The following COX6B2 variants were observed in gnomAD, a reference collection of about 807,000 sequenced individuals.
The protein encoded by COX6B2 is COX VIb-2.
Under a neutral mutation model 13.7 loss-of-function variants are expected in COX6B2, and 12 were observed. The ratio of observed to expected loss-of-function variants is 0.87; its 90% confidence interval spans 0.56 to 1.41. COX6B2 has a LOEUF of 1.41. Among genes scored for constraint, COX6B2 ranks in the 40% most tolerant of loss-of-function variants. The probability of loss-of-function intolerance (pLI) is 0.00; values close to 1 mark genes in which losing one functional copy is unlikely to be tolerated. For synonymous variants in COX6B2, 56 were observed against 46.6 expected (o/e 1.20, Z -0.82); for missense variants, 130 against 118.3 (o/e 1.10, Z -0.46).
At position 55,353,615 on chromosome 19, in the gene COX6B2, G is replaced by A. The variant is rs546237576; in HGVS notation, c.*106C>T. On this transcript the variant is annotated 3_prime_UTR_variant, in exon 4 of 5. Transcript: ENST00000326529. ...CATCAGCAACAGCATACCATTATTC[G>A]TGGCTTAGACACTGGGAGGTAGGGG... 8.2e-5 allele frequency: 84 copies of A among 1,026,002 alleles called. 1 individual carries two copies. The highest frequency in any genetic ancestry group is 1.0e-4 in the Non-Finnish European group (71 of 691,626). The allele number at this position is 1,026,002 out of a possible 1,614,324, so 63.6% of individuals were successfully genotyped here.
chr19:55,351,719 T>C (rs1276544838), intron 4 of COX6B2: 1 of 152,126 alleles, frequency 6.6e-6, no homozygotes, highest in Non-Finnish European at 1.5e-5. Flanking sequence ...GCTGAGACTG[T>C]GAGGCTGGCA....
intron 2 of COX6B2, 101 bp downstream of exon 2, chr19:55,354,309 C>T (rs1467047548): frequency 3.1e-6 from 3 of 964,132 alleles, no homozygotes; most frequent in Non-Finnish European, 4.7e-6. Flanking sequence ...CGCCCGGCCT[C>T]CCACCCTAAC....
chr19:55,354,081 GGAGGCCTCCGTCCC>G, intron 2 of COX6B2, 115 bp from the exon 3 acceptor site: 1 of 944,110 alleles, frequency 1.1e-6, no homozygotes, highest in Non-Finnish European at 1.6e-6. Context: ...CCTCTCCCCT[GGAGGCCTCCGTCCC>G]GCCCCTCCCA....
In COX6B2 at chr19:55,354,163, A is replaced by G. The variant is rs150838083; in HGVS notation, c.113-197T>C. The G allele has an allele frequency of 4.0e-3, 2,454 of 616,532 alleles. 31 individuals carry two copies. In the African/African-American group the frequency reaches 0.04, roughly 10 times the overall value. 38.2% of individuals were successfully genotyped at this position (616,532 alleles called of 1,614,324 possible). A position where few individuals can be genotyped will look rare whatever the true frequency, so the allele number is the denominator to read the frequency against. On this transcript the variant is annotated intron_variant, in intron 2 of 4. Coordinates refer to ENST00000326529, the MANE Select transcript of COX6B2 (RefSeq NM_144613.5). ...CTCCTCCTACCCAGACCCTGCCCCT[A>G]CCTACCTCGCCCCGCACCTTCACGA... is the stretch of plus-strand genomic sequence containing the variant.
chr19:55,354,418 T>C lies in COX6B2; in HGVS notation c.104A>G (p.Asn35Ser). 1 of 1,612,780 alleles carries C rather than the reference T, an allele frequency of 6.2e-7. No individual in the cohort carries two copies. Among genetic ancestry groups the C allele is most frequent in the Non-Finnish European group, 8.5e-7 (1 of 1,179,460 alleles). Reference protein sequence around the residue: ...SQNQIRNCYQNFLDYHRCLKT... With the variant: ...SQNQIRNCYQSFLDYHRCLKT... Reference sequence around the variant, plus strand: ...GGCTGAGCAGGTCTCACCCAGGAAGTTCTGGTAGCAGTTACGGATCTGGTT... The same window carrying C: ...GGCTGAGCAGGTCTCACCCAGGAAGCTCTGGTAGCAGTTACGGATCTGGTT... The change falls in exon 2 of 5, where the codon AAC (asparagine) becomes AGC (serine). Residue 35 changes from asparagine to serine, a missense_variant. Physicochemically the swap from Asn to Ser is conservative, Grantham distance 46 (BLOSUM62 1). Transcript: ENST00000326529.
chr19:55,354,095 C>T (rs2089690348), intron 2 of COX6B2, 129 bp from the exon 3 acceptor site: 22 of 835,378 alleles, frequency 2.6e-5, no homozygotes, highest in Non-Finnish European at 4.2e-5. Context: ...GCCTCCGTCC[C>T]GCCCCTCCCA....
Position 55,353,790 on chromosome 19 carries a change from G to A in COX6B2, c.214-16C>T. The A allele has an allele frequency of 6.2e-7, 1 of 1,604,680 alleles. No homozygotes were observed. Among genetic ancestry groups the A allele is most frequent in the Non-Finnish European group, 8.5e-7 (1 of 1,175,830 alleles). ...AGCTCTCCACCTGGGAAGCAGAAAG[G>A]CAGGGAGCGGGACGCCGGCTCAGCC... is the stretch of plus-strand genomic sequence containing the variant. On this transcript the variant is annotated splice_polypyrimidine_tract_variant and intron_variant, in intron 3 of 4. Coordinates refer to ENST00000326529, the MANE Select transcript of COX6B2 (RefSeq NM_144613.5).
rs1346838949 is a variant in COX6B2 at position 55,352,788 on chromosome 19, T to C, written c.*114+819A>G. 6.6e-6 allele frequency: 1 copy of C among 152,176 alleles called. No homozygotes were observed. The highest frequency in any genetic ancestry group is 1.9e-4 in the East Asian group (1 of 5,176). The allele number at this position is 152,176 out of a possible 1,614,324, so 9.4% of individuals were successfully genotyped here. On this transcript the variant is annotated intron_variant, in intron 4 of 4. Transcript: ENST00000326529. This position sits in a 1 kb window ranked among gnomAD's most constrained non-coding sequence, Gnocchi z 6.2. Reference sequence around the variant, plus strand: ...CGTCTGGAACCGGAATGCGGTTCCGTGTTACTGCCGGGATGGGGAAGGAGT... The same window carrying C: ...CGTCTGGAACCGGAATGCGGTTCCGCGTTACTGCCGGGATGGGGAAGGAGT...
rs149294692 is a variant in COX6B2, at chr19:55,354,427, C to A, written c.95G>T (p.Cys32Phe). The A allele has an allele frequency of 1.3e-4, 207 of 1,613,738 alleles. No homozygotes were observed. In the East Asian group the frequency reaches 4.5e-3, roughly 35 times the overall value. Residue 32 changes from cysteine to phenylalanine, a missense_variant, in exon 2 of 5, where the codon TGC becomes TTC. Transcript: ENST00000326529. The part of the protein sequence containing the change: ...RFPSQNQIRN[C>F]YQNFLDYHRC... ...GGTCTCACCCAGGAAGTTCTGGTAG[C>A]AGTTACGGATCTGGTTCTGGCTGGG... is the stretch of plus-strand genomic sequence containing the variant.
Position 55,353,666 on chromosome 19 carries a change from C to G in COX6B2, c.*55G>C. 2 of 1,558,322 alleles carry G rather than the reference C, an allele frequency of 1.3e-6. No individual in the cohort carries two copies. The highest frequency in any genetic ancestry group is 1.7e-6 in the Non-Finnish European group (2 of 1,143,938). ...TGGATAACCGAGACCCGGGGCTCCG[C>G]GAGACAAAAAGATGCAGGATCACTG... On this transcript the variant is annotated 3_prime_UTR_variant, in exon 4 of 5. Transcript: ENST00000326529.
chr19:55,354,370 A>G, intron 2 of COX6B2, 40 bp downstream of exon 2: 1 of 1,500,038 alleles, frequency 6.7e-7, no homozygotes, highest in South Asian at 1.1e-5. Flanking sequence ...GTCCCTTGTC[A>G]CACCCTGCTC....
In COX6B2 at chr19:55,353,710, C is replaced by A. The variant is rs1374257675; in HGVS notation, c.*11G>T. On this transcript the variant is annotated 3_prime_UTR_variant, in exon 4 of 5. Coordinates refer to ENST00000326529, the MANE Select transcript of COX6B2 (RefSeq NM_144613.5). ...ATCACTGCATCTTCAGAGGAAGCCG[C>A]GCTGGGGCAGTCAGATTTTGCCGGC... The A allele has an allele frequency of 3.1e-6, 5 of 1,608,142 alleles. No individual in the cohort carries two copies. Among genetic ancestry groups the A allele is most frequent in the Admixed American group, 3.4e-5 (2 of 59,352 alleles).
In COX6B2 at chr19:55,353,936, C is replaced by T. The variant is rs540732232; in HGVS notation, c.143G>A (p.Arg48His). 17 of 1,559,032 alleles carry T rather than the reference C, an allele frequency of 1.1e-5. No individual in the cohort carries two copies. Among genetic ancestry groups the T allele is most frequent in the East Asian group, 7.2e-5 (3 of 41,596 alleles). ...GCAGGGCTGCGTGCTCTTCCCGCGGCGGGTCCTGGTCTTGAGGCAGCGGTG... is the reference window on the plus strand; with the variant it reads ...GCAGGGCTGCGTGCTCTTCCCGCGGTGGGTCCTGGTCTTGAGGCAGCGGTG... Reference protein sequence around the residue: ...DYHRCLKTRTRRGKSTQPCEY... With the variant: ...DYHRCLKTRTHRGKSTQPCEY... Residue 48 changes from arginine (R) to histidine (H), a missense_variant, in exon 3 of 5, where the codon CGC (arginine) becomes CAC (histidine). Physicochemically the swap from Arg to His is conservative, Grantham distance 29 (BLOSUM62 0). Coordinates refer to ENST00000326529, the MANE Select transcript of COX6B2 (RefSeq NM_144613.5).
chr19:55,352,263 G>A lies in COX6B2; in HGVS notation c.*114+1344C>T, dbSNP rs1317747720. On this transcript the variant is annotated intron_variant, in intron 4 of 4. Transcript: ENST00000326529. The surrounding 1 kb of genome is among the most constrained non-coding windows in gnomAD (Gnocchi z 6.2). ...CATTCTTGGGTTGTGGTCAGAGACG[G>A]AGCCAGGAGACCAAGATCTCAGAGG... 2.0e-5 allele frequency: 3 copies of A among 152,242 alleles called. No individual in the cohort carries two copies. Among genetic ancestry groups the A allele is most frequent in the African/African-American group, 7.2e-5 (3 of 41,430 alleles). The allele number at this position is 152,242 out of a possible 1,614,324, so 9.4% of individuals were successfully genotyped here. A position where few individuals can be genotyped will look rare whatever the true frequency, so the allele number is the denominator to read the frequency against.
In COX6B2 at chr19:55,353,969, G is replaced by C; in HGVS notation, c.113-3C>G. 6.5e-7 allele frequency: 1 copy of C among 1,543,064 alleles called. No individual in the cohort carries two copies. The highest frequency in any genetic ancestry group is 8.7e-7 in the Non-Finnish European group (1 of 1,148,492). On this transcript the variant is annotated splice_polypyrimidine_tract_variant and splice_region_variant and intron_variant, in intron 2 of 4. Transcript: ENST00000326529. Reference sequence around the variant, plus strand: ...GGTCTTGAGGCAGCGGTGGTAGTCTGTGGCGGGCGGGGGTCACGCGGCAAG... The same window carrying C: ...GGTCTTGAGGCAGCGGTGGTAGTCTCTGGCGGGCGGGGGTCACGCGGCAAG...
chr19:55,353,328 T>G (rs1600273957), intron 4 of COX6B2: 2 of 335,070 alleles, frequency 6.0e-6, no homozygotes, highest in Non-Finnish European at 1.1e-5. Context: ...GCCATCTGGG[T>G]GGGACAGTGT....
In COX6B2 at chr19:55,354,633, A is replaced by C. The variant is rs2089696948; in HGVS notation, c.-19+17T>G. ...ATCCTGACCCCCGCCCCTGAACCCC[A>C]CCCGTCGTGCCCTCACCAGCCTGAC... On this transcript the variant is annotated intron_variant, in intron 1 of 4. Transcript: ENST00000326529. The C allele has an allele frequency of 1.2e-5, 9 of 725,418 alleles. No individual in the cohort carries two copies. In the South Asian group the frequency reaches 1.4e-4, roughly 11 times the overall value. 44.9% of individuals were successfully genotyped at this position (725,418 alleles called of 1,614,324 possible). A position where few individuals can be genotyped will look rare whatever the true frequency, so the allele number is the denominator to read the frequency against.
rs375106737 is a variant in COX6B2, at chr19:55,353,758, T to G, written c.230A>C (p.Glu77Ala). 1 of 1,609,888 alleles carries G rather than the reference T, an allele frequency of 6.2e-7. No homozygotes were observed. The highest frequency in any genetic ancestry group is 1.3e-5 in the African/African-American group (1 of 74,836). Residue 77 changes from glutamate (E) to alanine (A), a missense_variant, in exon 4 of 5, where the codon GAG becomes GCG. Coordinates refer to ENST00000326529, the MANE Select transcript of COX6B2 (RefSeq NM_144613.5). ...GGCGAAAATCCCGTTCTTGATCTGCTCGTTCCAGCTCTCCACCTGGGAAGC... is the reference window on the plus strand; with the variant it reads ...GGCGAAAATCCCGTTCTTGATCTGCGCGTTCCAGCTCTCCACCTGGGAAGC... The part of the protein sequence containing the change: ...CPISWVESWN[E>A]QIKNGIFAGK...
At chr19:55,351,699 C>T (rs1217954545) in intron 4 of COX6B2, 2 of 152,164 alleles carry the variant, frequency 1.3e-5, no homozygotes, top group Non-Finnish European at 2.9e-5. Flanking sequence ...TTTCTCTGAC[C>T]TGGGAGGTTG....
Sources: gnomAD v4.1 joint callset for allele counts on GRCh38, gnomAD v4.1.1 for gene constraint, Gnocchi (gnomAD v3.1) non-coding constraint, MANE v1.5 for transcripts, NCBI Gene and HGNC (gene_info 2026-07-23, HGNC 2026-07-21) for gene names.